TTC39A: variants seen among roughly 807,000 people sequenced by gnomAD.
TTC39A encodes tetratricopeptide repeat domain 39A, also known as tetratricopeptide repeat protein 39A.
TTC39A carries 46 observed loss-of-function variants against 82.3 expected under a neutral mutation model. The ratio of observed to expected loss-of-function variants is 0.56; its 90% CI spans 0.44 to 0.71. The LOEUF is 0.71. Among genes scored for constraint, TTC39A ranks in the 30% least tolerant of loss-of-function variants. TTC39A has a pLI of 0.00. For synonymous variants in TTC39A, 254 were observed against 275.2 expected, an observed-to-expected ratio of 0.92 and a Z score of 0.76; for missense variants, 543 against 712.9, an observed-to-expected ratio of 0.76 and a Z score of 2.71.
intron 2 of TTC39A, among the ~76,000 whole-genome samples, chr1:51,318,901 A>T (rs924886663): frequency 6.6e-6 from 1 of 152,190 alleles, no homozygotes; most frequent in African/African-American, 2.4e-5. Context: ...GCATGAACTC[A>T]TTCTTAAACA....
intron 1 of TTC39A, among the ~76,000 whole-genome samples, chr1:51,325,245 A>C (rs57291279): frequency 0.029 from 4,292 of 149,068 alleles, 201 homozygotes; most frequent in African/African-American, 0.1. Context: ...CAAGAGCAAA[A>C]TTCCATCTCA....
intron 2 of TTC39A, among the ~76,000 whole-genome samples, chr1:51,314,134 C>T (rs900479117): frequency 3.0e-4 from 46 of 152,178 alleles, no homozygotes; most frequent in African/African-American, 1.1e-3. Context: ...GCTCCTTCAC[C>T]GACCCAGGCT....
intron 6 of TTC39A, 113 bp downstream of exon 6, chr1:51,309,148 G>T: frequency 7.6e-7 from 1 of 1,319,818 alleles, no homozygotes; most frequent in Non-Finnish European, 1.0e-6. Flanking sequence ...CAGTCTACTA[G>T]GTTCTGGCCT....
At chr1:51,305,035 G>A (rs181150221) in intron 8 of TTC39A, 46 bp downstream of exon 8, 1 of 1,605,884 alleles carries the variant, frequency 6.2e-7, no homozygotes, top group Non-Finnish European at 8.5e-7. Context: ...CCCAGCCCCA[G>A]TTCTGGGGCT....
At chr1:51,302,247 C>CG in intron 11 of TTC39A, 110 bp downstream of exon 11, 1 of 572,862 alleles carries the variant, frequency 1.7e-6, no homozygotes, top group Non-Finnish European at 3.4e-6. Context: ...TTGGCCCCCC[C>CG]CCCGCCCCCA....
At chr1:51,305,688 G>A (rs1644841733) in intron 7 of TTC39A, 2 of 474,622 alleles carry the variant, frequency 4.2e-6, no homozygotes, top group Non-Finnish European at 7.7e-6. Flanking sequence ...TTTATTGTGT[G>A]TGCCAAGGTC....
chr1:51,304,999 T>C (rs1644816170), intron 8 of TTC39A, 82 bp downstream of exon 8: 1 of 1,479,132 alleles, frequency 6.8e-7, no homozygotes, highest in African/African-American at 1.4e-5. Context: ...CTAGGCCCTG[T>C]GGCCTGTCAG....
Position 51,322,849 on chromosome 1 carries a change from C to T in TTC39A, c.42-1024G>A, listed in dbSNP as rs553467669. On this transcript the variant is annotated intron_variant, in intron 1 of 17. Coordinates refer to ENST00000680483, the MANE Select transcript of TTC39A (RefSeq NM_001297663.2). ...TTAGTTAAAAGAAATTCCCTCTCCA[C>T]CAGGTAAACTCCTACATATACCTTA... Among the ~76,000 whole-genome samples, 16 of 152,318 alleles carry T rather than the reference C, an allele frequency of 1.1e-4. No individual in the cohort carries two copies. The South Asian group carries it at 3.3e-3, about 32-fold the overall frequency.
At chr1:51,341,048 A>G (rs1212868751) in intron 1 of TTC39A, among the ~76,000 whole-genome samples, 1 of 152,100 alleles carries the variant, frequency 6.6e-6, no homozygotes, top group Non-Finnish European at 1.5e-5. Flanking sequence ...GCGCATGACT[A>G]TAATCCCAGC....
chr1:51,320,312 G>A (rs1418808696), intron 2 of TTC39A, among the ~76,000 whole-genome samples: 1 of 151,980 alleles, frequency 6.6e-6, no homozygotes, highest in Non-Finnish European at 1.5e-5. Context: ...GAAGGAAATA[G>A]TCTCGCACAT....
Position 51,330,317 on chromosome 1 carries a change from T to C in TTC39A, c.41+120A>G. On this transcript the variant is annotated intron_variant, in intron 1 of 17. Coordinates refer to ENST00000680483, the MANE Select transcript of TTC39A (RefSeq NM_001297663.2). The surrounding 1 kb of genome is among the most constrained non-coding windows in gnomAD (Gnocchi z 4.5). ...GCCAGGGGCCGGGCGGGGTGGGGGC[T>C]GGAAGCCGCAGTGCGGCCCCAGGCC... 1 of 917,414 alleles carries C rather than the reference T, an allele frequency of 1.1e-6. No homozygotes were observed. Among genetic ancestry groups the C allele is most frequent in the Non-Finnish European group, 1.3e-6 (1 of 769,262 alleles). 56.8% of individuals were successfully genotyped at this position (917,414 alleles called of 1,614,324 possible).
chr1:51,314,359 C>T (rs1426354384), intron 2 of TTC39A, among the ~76,000 whole-genome samples: 2 of 152,166 alleles, frequency 1.3e-5, no homozygotes, highest in Non-Finnish European at 2.9e-5. Context: ...TGACTGAGAG[C>T]GCCTTTACTC....
At chr1:51,316,738 A>G (rs1283570394) in intron 2 of TTC39A, among the ~76,000 whole-genome samples, 4 of 151,746 alleles carry the variant, frequency 2.6e-5, no homozygotes, top group Non-Finnish European at 4.4e-5. Flanking sequence ...ACTACAGAAC[A>G]CTCAAGGGCA....
chr1:51,293,728 T>C (rs191991762), intron 14 of TTC39A, among the ~76,000 whole-genome samples: 1 of 152,340 alleles, frequency 6.6e-6, no homozygotes, highest in East Asian at 1.9e-4. Context: ...TGCATAGAAT[T>C]AGCATCACAA....
intron 2 of TTC39A, among the ~76,000 whole-genome samples, chr1:51,313,536 G>A (rs34980001): frequency 0.14 from 21,738 of 152,058 alleles, 2,490 homozygotes; most frequent in African/African-American, 0.32. Flanking sequence ...ATGAGACGCC[G>A]GCTCTGCCCA....
At chr1:51,293,217 G>C (rs1032876460) in intron 14 of TTC39A, among the ~76,000 whole-genome samples, 1 of 151,986 alleles carries the variant, frequency 6.6e-6, no homozygotes, top group Non-Finnish European at 1.5e-5. Context: ...ACAGGCATGC[G>C]CCACCACGCC....
intron 8 of TTC39A, 39 bp downstream of exon 8, chr1:51,305,042 G>A (rs770001149): frequency 1.9e-6 from 3 of 1,609,288 alleles, no homozygotes; most frequent in Non-Finnish European, 2.6e-6. Context: ...CCAGTTCTGG[G>A]GCTGAGCAGG....
In TTC39A at chr1:51,311,242, G is replaced by T. The variant is rs1038959413; in HGVS notation, c.423+12C>A. ...GAAATCCCAGCCTCTTTGTACAAGTGGGGGTCCCTACCTGCAGGAAGGTCA... is the reference window on the plus strand; with the variant it reads ...GAAATCCCAGCCTCTTTGTACAAGTTGGGGTCCCTACCTGCAGGAAGGTCA... On this transcript the variant is annotated intron_variant, in intron 5 of 17. Coordinates refer to ENST00000680483, the MANE Select transcript of TTC39A (RefSeq NM_001297663.2). 7 of 1,571,848 alleles carry T rather than the reference G, an allele frequency of 4.5e-6. No homozygotes were observed. Among genetic ancestry groups the T allele is most frequent in the Admixed American group, 3.7e-5 (2 of 53,864 alleles).
chr1:51,312,040 G>A lies in TTC39A; in HGVS notation c.355+79C>T, dbSNP rs1645103367. On this transcript the variant is annotated intron_variant, in intron 4 of 17. Transcript: ENST00000680483. ...GCCTGGCCCCCTAGGCGATGACAGG[G>A]AAGAAAACTGCCCCTTCCTGGGCCT... 7 of 1,466,512 alleles carry A rather than the reference G, an allele frequency of 4.8e-6. No homozygotes were observed. In the South Asian group the frequency reaches 7.6e-5, roughly 16 times the overall value. The allele number at this position is 1,466,512 out of a possible 1,614,324, so 90.8% of individuals were successfully genotyped here.
Sources: gnomAD v4.1 joint callset for allele counts (sites outside exome capture counted in the v4.1 genomes callset) on GRCh38, gnomAD v4.1.1 for gene constraint, Gnocchi (gnomAD v3.1) non-coding constraint, MANE v1.5 for transcripts, NCBI Gene and HGNC (gene_info 2026-07-23, HGNC 2026-07-21) for gene names.